The following PJA2 variants were observed in gnomAD, a reference collection of about 807,000 sequenced individuals.
The protein encoded by PJA2 is praja ring finger ubiquitin ligase 2, also known as E3 ubiquitin-protein ligase Praja-2.
Under a neutral mutation model 69.3 loss-of-function variants are expected in PJA2, and 25 were observed. That is an observed-to-expected ratio of 0.36 (90% CI 0.26 to 0.50). PJA2 has a LOEUF of 0.50. Among genes scored for constraint, PJA2 ranks in the 20% least tolerant of loss-of-function variants. PJA2 has a pLI of 0.96. For synonymous variants in PJA2, 308 were observed against 277.8 expected (o/e 1.11, Z -1.08); for missense variants, 809 against 830.2 (o/e 0.97, Z 0.31).
rs780645154 is a variant in PJA2 at position 109,344,782 on chromosome 5, A to G, written c.1802T>C (p.Val601Ala). The G allele has an allele frequency of 5.6e-6, 9 of 1,614,140 alleles. No homozygotes were observed. The highest frequency in any genetic ancestry group is 1.1e-5 in the South Asian group (1 of 91,082). ...ACTAGCTGGTGGATTGGCCACCTCA[A>G]CATCCACTGCAAGAGACTCTAAATG... ...LAHLESLAVDVEVANPPASKE... is the reference protein window; with the variant it reads ...LAHLESLAVDAEVANPPASKE... The change falls in exon 8 of 10, where the codon GTT becomes GCT. Residue 601 changes from valine (V) to alanine (A), a missense_variant. This residue lies in a region of PJA2 where 55 missense variants were observed against 90.7 expected (regional missense o/e 0.61). Transcript: ENST00000361189.
chr5:109,395,492 C>T (rs1437503465), intron 1 of PJA2, among the ~76,000 whole-genome samples: 1 of 152,092 alleles, frequency 6.6e-6, no homozygotes, highest in Non-Finnish European at 1.5e-5. Flanking sequence ...GTGCCACTGC[C>T]CTCCAGCCTG....
At chr5:109,393,088 T>G (rs531789567) in intron 1 of PJA2, among the ~76,000 whole-genome samples, 1 of 152,168 alleles carries the variant, frequency 6.6e-6, no homozygotes, top group East Asian at 1.9e-4. Context: ...GAAATGTACA[T>G]TACATACAAG....
chr5:109,357,012 C>T (rs1055230624), intron 6 of PJA2, among the ~76,000 whole-genome samples: 1 of 152,048 alleles, frequency 6.6e-6, no homozygotes, highest in South Asian at 2.1e-4. Flanking sequence ...CCTTGGTCCT[C>T]TTTTCTCTAA....
intron 4 of PJA2, among the ~76,000 whole-genome samples, chr5:109,377,890 A>G (rs1285841095): frequency 1.3e-5 from 2 of 152,212 alleles, no homozygotes; most frequent in Non-Finnish European, 2.9e-5. Flanking sequence ...GTAGGTTTTT[A>G]AAAAATACAA....
chr5:109,385,812 T>TATTC (rs1471397019), intron 1 of PJA2, among the ~76,000 whole-genome samples: 1 of 152,168 alleles, frequency 6.6e-6, no homozygotes, highest in African/African-American at 2.4e-5. Context: ...TTTCAAATCT[T>TATTC]TGAATATTTG....
intron 9 of PJA2, among the ~76,000 whole-genome samples, chr5:109,342,338 C>T (rs1219393832): frequency 3.3e-5 from 4 of 120,744 alleles, no homozygotes; most frequent in African/African-American, 1.3e-4. Flanking sequence ...GGGGGATCGG[C>T]CCCCCGCCCG....
chr5:109,396,129 T>C (rs928585048), intron 1 of PJA2, among the ~76,000 whole-genome samples: 2 of 151,732 alleles, frequency 1.3e-5, no homozygotes, highest in Non-Finnish European at 2.9e-5. Context: ...ATTACAGCAA[T>C]ATATTTGAAA....
intron 3 of PJA2, among the ~76,000 whole-genome samples, chr5:109,380,691 G>A (rs1747022375): frequency 6.6e-6 from 1 of 151,096 alleles, no homozygotes. Flanking sequence ...TGTAGTCCCA[G>A]CTACTTGGGA....
At chr5:109,352,160 G>GT (rs969844081) in intron 7 of PJA2, among the ~76,000 whole-genome samples, 1 of 152,168 alleles carries the variant, frequency 6.6e-6, no homozygotes, top group Non-Finnish European at 1.5e-5. Flanking sequence ...AGCCAACAAT[G>GT]TTTGAGACTG....
At chr5:109,356,304 A>G (rs1762411856) in intron 6 of PJA2, among the ~76,000 whole-genome samples, 1 of 152,176 alleles carries the variant, frequency 6.6e-6, no homozygotes, top group Non-Finnish European at 1.5e-5. Context: ...TTGTGTTTCT[A>G]GCTCTAACTC....
At chr5:109,364,686 A>C (rs1762558560) in intron 5 of PJA2, among the ~76,000 whole-genome samples, 1 of 152,018 alleles carries the variant, frequency 6.6e-6, no homozygotes, top group Admixed American at 6.6e-5. Context: ...GAAGTCACAA[A>C]ATTTGGACAC....
intron 5 of PJA2, among the ~76,000 whole-genome samples, chr5:109,367,746 C>A (rs1343299330): frequency 6.6e-6 from 1 of 152,130 alleles, no homozygotes; most frequent in Non-Finnish European, 1.5e-5. Context: ...TGACTGTGAT[C>A]AGATTTGGTT....
intron 1 of PJA2, chr5:109,390,663 G>A (rs775734679): frequency 3.3e-5 from 5 of 151,112 alleles, no homozygotes; most frequent in Admixed American, 6.6e-5. Flanking sequence ...TTATTCCTCC[G>A]TTCTTGAATT....
intron 1 of PJA2, among the ~76,000 whole-genome samples, chr5:109,386,460 T>TCTTA (rs2127010381): frequency 6.6e-6 from 1 of 152,294 alleles, no homozygotes; most frequent in Admixed American, 6.5e-5. Context: ...TCACCCTGTT[T>TCTTA]CTTAAACTTT....
rs970846883 is a variant in PJA2, at chr5:109,336,930, G to A, written c.*301C>T. Reference sequence around the variant, plus strand: ...CAGTATTACAGACAAAGCCAATAACGTATGCCACACAGATGATTATTTATT... The same window carrying A: ...CAGTATTACAGACAAAGCCAATAACATATGCCACACAGATGATTATTTATT... On this transcript the variant is annotated 3_prime_UTR_variant, in exon 10 of 10. Coordinates refer to ENST00000361189, the MANE Select transcript of PJA2 (RefSeq NM_014819.5). 34 of 170,086 alleles carry A rather than the reference G, an allele frequency of 2.0e-4. No individual in the cohort carries two copies. The highest frequency in any genetic ancestry group is 3.7e-4 in the Admixed American group (6 of 16,372). The allele number at this position is 170,086 out of a possible 1,614,324, so 10.5% of individuals were successfully genotyped here.
At chr5:109,373,176 G>T (rs1454224201) in intron 4 of PJA2, among the ~76,000 whole-genome samples, 3 of 152,032 alleles carry the variant, frequency 2.0e-5, no homozygotes, top group Non-Finnish European at 4.4e-5. Flanking sequence ...GAGACAGTGG[G>T]TATGGAAAAC....
At chr5:109,337,460 TAAC>T in intron 9 of PJA2, 104 bp from the exon 10 acceptor site, 1 of 1,319,864 alleles carries the variant, frequency 7.6e-7, no homozygotes, top group Non-Finnish European at 1.0e-6. Flanking sequence ...ATAAGACTCT[TAAC>T]AACAAAAAAC....
chr5:109,395,765 G>A (rs189200147), intron 1 of PJA2, among the ~76,000 whole-genome samples: 102 of 152,152 alleles, frequency 6.7e-4, no homozygotes, highest in African/African-American at 2.0e-3. Flanking sequence ...TTGGGAGGCC[G>A]AGGCCAGCAG....
At chr5:109,363,399 C>CAA (rs954152364) in intron 5 of PJA2, among the ~76,000 whole-genome samples, 1 of 152,210 alleles carries the variant, frequency 6.6e-6, no homozygotes, top group African/African-American at 2.4e-5. Flanking sequence ...ACCTGGCCTT[C>CAA]AAATCCCTAC....
Sources: gnomAD v4.1 joint callset for allele counts (sites outside exome capture counted in the v4.1 genomes callset) on GRCh38, gnomAD v4.1.1 for gene constraint, gnomAD v4.1.1 regional missense constraint, MANE v1.5 for transcripts, NCBI Gene and HGNC (gene_info 2026-07-23, HGNC 2026-07-21) for gene names.